Variants in GCLC observed in about 807,000 individuals in gnomAD.
The protein encoded by GCLC is glutamate-cysteine ligase catalytic subunit.
A neutral mutation model predicts 81.5 loss-of-function variants in GCLC; 30 were observed. The ratio of observed to expected loss-of-function variants is 0.37; its 90% confidence interval spans 0.28 to 0.50. GCLC has a LOEUF of 0.50. Ranked by LOEUF, GCLC falls within the 20% of genes least tolerant of loss-of-function variation. GCLC has a pLI of 0.96. For synonymous variants in GCLC, 262 were observed against 273.3 expected (o/e 0.96, Z 0.41); for missense variants, 556 against 777.4 (o/e 0.72, Z 3.39).
chr6:53,516,226 CA>C lies in GCLC; in HGVS notation c.447-5del. ...TGTGAACCCAGGACAGCCTAATCTA[CA>C]ACAAATTGAAGAACTAAATAGATGG... On this transcript the variant is annotated splice_region_variant and splice_polypyrimidine_tract_variant and intron_variant, in intron 3 of 15. Transcript: ENST00000650454. 1 of 1,567,706 alleles carries C rather than the reference CA, an allele frequency of 6.4e-7. No homozygotes were observed. The highest frequency in any genetic ancestry group is 8.8e-7 in the Non-Finnish European group (1 of 1,137,706).
rs1207380663 is a variant in GCLC, at chr6:53,514,217, T to C, written c.740A>G (p.Asn247Ser). 1 of 1,614,032 alleles carries C rather than the reference T, an allele frequency of 6.2e-7. No individual in the cohort carries two copies. Among genetic ancestry groups the C allele is most frequent in the Non-Finnish European group, 8.5e-7 (1 of 1,179,914 alleles). ...YMDAMGFGMG[N>S]CCLQVTFQAC... ...TTGAAACTATACCTGGAGACAGCAA[T>C]TGCCCATTCCAAATCCCATGGCATC... Residue 247 changes from asparagine to serine, a missense_variant, in exon 6 of 16, where the codon AAT becomes AGT. Physicochemically the swap from Asn to Ser is conservative, Grantham distance 46 (BLOSUM62 1). Around this residue, in one of 3 missense-constraint regions of GCLC, gnomAD observed 9 missense variants for 36.4 expected, o/e 0.25. Transcript: ENST00000650454.
At chr6:53,531,457 C>T (rs1041000217) in intron 1 of GCLC, among the ~76,000 whole-genome samples, 3 of 152,138 alleles carry the variant, frequency 2.0e-5, no homozygotes, top group Admixed American at 6.5e-5. Context: ...CAGGTCAAGT[C>T]ACTCTCCTTG....
intron 6 of GCLC, among the ~76,000 whole-genome samples, chr6:53,511,211 G>T (rs1048080408): frequency 1.4e-5 from 2 of 138,684 alleles, no homozygotes; most frequent in African/African-American, 5.3e-5. Context: ...TGGGGGGGGG[G>T]TGCTAAAGAG....
intron 8 of GCLC, 109 bp downstream of exon 8, chr6:53,508,486 C>A: frequency 1.3e-6 from 1 of 784,470 alleles, no homozygotes; most frequent in Non-Finnish European, 2.3e-6. Flanking sequence ...ATCTTTTTCC[C>A]CATTTCAGAT....
intron 12 of GCLC, among the ~76,000 whole-genome samples, chr6:53,504,126 C>G (rs1297552097): frequency 6.6e-6 from 1 of 152,144 alleles, no homozygotes; most frequent in East Asian, 1.9e-4. Context: ...CATTTCAGCC[C>G]AGGAGTTCGA....
chr6:53,531,431 A>G (rs1251406230), intron 1 of GCLC, among the ~76,000 whole-genome samples: 1 of 152,158 alleles, frequency 6.6e-6, no homozygotes, highest in Non-Finnish European at 1.5e-5. Context: ...CAGGAAGACC[A>G]TGGTCCTTCA....
At position 53,514,512 on chromosome 6, in the gene GCLC, C is replaced by A; in HGVS notation, c.561-15G>T. The A allele has an allele frequency of 1.1e-5, 17 of 1,603,238 alleles. No homozygotes were observed. The highest frequency in any genetic ancestry group is 1.5e-5 in the Non-Finnish European group (17 of 1,170,136). ...TTGTTAAGGTACTAAAACAGACAACCAAACGTCATAAATTGGTCACCTAAG... is the reference window on the plus strand; with the variant it reads ...TTGTTAAGGTACTAAAACAGACAACAAAACGTCATAAATTGGTCACCTAAG... On this transcript the variant is annotated splice_polypyrimidine_tract_variant and intron_variant, in intron 4 of 15. Coordinates refer to ENST00000650454, the MANE Select transcript of GCLC (RefSeq NM_001498.4).
Position 53,506,987 on chromosome 6 carries a change from AGAGAT to A in GCLC, c.1118_1122del (p.His373LeufsTer3). ...AACAGTGTCAGTGGGTCTCTAATAAAGAGATGAGCAACATGCTGGGCCAGGAGATG... is the reference window on the plus strand; with the variant it reads ...AACAGTGTCAGTGGGTCTCTAATAAAGAGCAACATGCTGGGCCAGGAGATG... On this transcript the variant is annotated frameshift_variant, in exon 10 of 16. Coordinates refer to ENST00000650454, the MANE Select transcript of GCLC (RefSeq NM_001498.4). LOFTEE classifies it high-confidence loss of function. This position sits in a 1 kb window ranked among gnomAD's most constrained non-coding sequence, Gnocchi z 4.0. 6.2e-7 allele frequency: 1 copy of A among 1,611,518 alleles called. No individual in the cohort carries two copies. The highest frequency in any genetic ancestry group is 8.5e-7 in the Non-Finnish European group (1 of 1,177,618).
At chr6:53,542,859 A>C (rs527366051) in intron 1 of GCLC, among the ~76,000 whole-genome samples, 33 of 152,188 alleles carry the variant, frequency 2.2e-4, no homozygotes, top group Non-Finnish European at 4.9e-4. Context: ...AAATACAAAA[A>C]TTAGCTGGGC....
chr6:53,507,188 C>T (rs1025209836), intron 9 of GCLC, 163 bp from the exon 10 acceptor site: 15 of 696,878 alleles, frequency 2.2e-5, no homozygotes, highest in Non-Finnish European at 4.0e-5. Context: ...GTATTTTATC[C>T]TGCGGACACT....
At chr6:53,534,214 C>T (rs1164206738) in intron 1 of GCLC, among the ~76,000 whole-genome samples, 2 of 152,110 alleles carry the variant, frequency 1.3e-5, no homozygotes, top group East Asian at 3.8e-4. Context: ...GTGTTTTTAC[C>T]AAATATCCAG....
intron 1 of GCLC, among the ~76,000 whole-genome samples, chr6:53,542,086 G>A (rs536687456): frequency 3.3e-5 from 5 of 152,216 alleles, no homozygotes; most frequent in African/African-American, 9.6e-5. Flanking sequence ...TCAACTCCTG[G>A]GCTCAAGCAA....
chr6:53,499,947 A>ATACAGCATTATTTTAAAAGAC, intron 15 of GCLC, 98 bp downstream of exon 15: 2 of 867,424 alleles, frequency 2.3e-6, no homozygotes, highest in Non-Finnish European at 3.9e-6. Context: ...CTGTGCATGA[A>ATACAGCATTATTTTAAAAGAC]TACAGCATTA....
Position 53,497,849 on chromosome 6 carries a change from A to G in GCLC, c.*907T>C, listed in dbSNP as rs2127617918. The G allele has an allele frequency of 6.5e-6, 1 of 152,722 alleles. No individual in the cohort carries two copies. The highest frequency in any genetic ancestry group is 2.4e-5 in the African/African-American group (1 of 41,554). The allele number at this position is 152,722 out of a possible 1,614,324, so 9.5% of individuals were successfully genotyped here. On this transcript the variant is annotated 3_prime_UTR_variant, in exon 16 of 16. Coordinates refer to ENST00000650454, the MANE Select transcript of GCLC (RefSeq NM_001498.4). ...GGCTTTTAGAGGAAAGTCTATCAGT[A>G]TGCTTAACTAAAAACTAAAGAGTGA...
chr6:53,543,483 C>T (rs1034517736), intron 1 of GCLC, among the ~76,000 whole-genome samples: 1 of 151,744 alleles, frequency 6.6e-6, no homozygotes, highest in Non-Finnish European at 1.5e-5. Flanking sequence ...AGGAGATATT[C>T]TGCACTGGTG....
intron 11 of GCLC, 136 bp from the exon 12 acceptor site, chr6:53,505,632 C>T: frequency 1.3e-6 from 1 of 743,376 alleles, no homozygotes; most frequent in Non-Finnish European, 2.4e-6. Context: ...GCCCTTTGCC[C>T]ACATCTATTC....
intron 1 of GCLC, among the ~76,000 whole-genome samples, chr6:53,542,434 C>T (rs139600143): frequency 1.6e-4 from 24 of 152,280 alleles, no homozygotes; most frequent in African/African-American, 5.8e-4. Flanking sequence ...TCAATTTACC[C>T]AACAACTACA....
chr6:53,500,998 C>A, intron 12 of GCLC: 1 of 211,596 alleles, frequency 4.7e-6, no homozygotes, highest in Non-Finnish European at 9.6e-6. Flanking sequence ...TCACCCCAAC[C>A]TCTGTCTCCT....
intron 1 of GCLC, among the ~76,000 whole-genome samples, chr6:53,526,797 CAAAAAA>C (rs58177984): frequency 1.9e-5 from 2 of 107,440 alleles, no homozygotes. Flanking sequence ...GACTCCGCCT[CAAAAAA>C]AAAAAAAAAA....
Sources: gnomAD v4.1 joint callset for allele counts (sites outside exome capture counted in the v4.1 genomes callset) on GRCh38, gnomAD v4.1.1 for gene constraint, gnomAD v4.1.1 regional missense constraint, Gnocchi (gnomAD v3.1) non-coding constraint, MANE v1.5 for transcripts, NCBI Gene and HGNC (gene_info 2026-07-23, HGNC 2026-07-21) for gene names.